The following SSH2 variants were observed in gnomAD, a reference collection of about 807,000 sequenced individuals.
SSH2 encodes slingshot protein phosphatase 2.
In SSH2, 37 loss-of-function variants were observed where a neutral mutation model predicts 135.2. The ratio of observed to expected loss-of-function variants is 0.27; its 90% CI spans 0.21 to 0.36. The LOEUF is 0.36. Among genes scored for constraint, SSH2 ranks in the 10% least tolerant of loss-of-function variants. The pLI is 1.00. For synonymous variants in SSH2, 628 were observed against 646.2 expected (o/e 0.97, Z 0.43); for missense variants, 1,408 against 1,765.3 (o/e 0.80, Z 3.63).
At position 29,629,529 on chromosome 17, in the gene SSH2, T is replaced by C. The variant is rs998959110; in HGVS notation, c.*1312A>G. On this transcript the variant is annotated 3_prime_UTR_variant, in exon 16 of 16. Coordinates refer to ENST00000540801, the MANE Select transcript of SSH2 (RefSeq NM_001282129.2). The stretch of plus-strand genomic sequence containing the variant: ...ACCATCAACATATTGTACAGATTCC[T>C]ATCAACACCCAACACTTTCATTTCT... 2.0e-5 allele frequency: 3 copies of C among 152,692 alleles called. No homozygotes were observed. Among genetic ancestry groups the C allele is most frequent in the Non-Finnish European group, 4.4e-5 (3 of 68,042 alleles). 9.5% of individuals were successfully genotyped at this position (152,692 alleles called of 1,614,324 possible). A position where few individuals can be genotyped will look rare whatever the true frequency, so the allele number is the denominator to read the frequency against.
In SSH2 at chr17:29,930,021, C is replaced by T; in HGVS notation, c.-21G>A. 6.5e-7 allele frequency: 1 copy of T among 1,530,800 alleles called. No homozygotes were observed. 94.8% of individuals were successfully genotyped at this position (1,530,800 alleles called of 1,614,324 possible). On this transcript the variant is annotated 5_prime_UTR_variant, in exon 1 of 16. Transcript: ENST00000540801. ...GCCATCTAGGCGCTGCTGGGTTGTT[C>T]CGGGCAGGGCATTCTTGTCCTGAGT...
chr17:29,800,137 TTTTC>T (rs1167965567), intron 2 of SSH2, among the ~76,000 whole-genome samples: 36 of 152,284 alleles, frequency 2.4e-4, no homozygotes, highest in Non-Finnish European at 2.9e-5. Flanking sequence ...CCAAATAATT[TTTTC>T]TTTCTTTATG....
At chr17:29,745,554 C>T (rs1233497897) in intron 3 of SSH2, among the ~76,000 whole-genome samples, 2 of 152,168 alleles carry the variant, frequency 1.3e-5, no homozygotes, top group African/African-American at 4.8e-5. Context: ...TTATTTATCC[C>T]TTCATTGACG....
At chr17:29,639,273 G>A (rs1407633108) in intron 14 of SSH2, among the ~76,000 whole-genome samples, 2 of 152,144 alleles carry the variant, frequency 1.3e-5, no homozygotes, top group Non-Finnish European at 2.9e-5. Context: ...CAGCCAAAAA[G>A]AGAACGGTGG....
intron 1 of SSH2, among the ~76,000 whole-genome samples, chr17:29,907,415 T>TAG (rs2066674925): frequency 6.6e-6 from 1 of 152,154 alleles, no homozygotes; most frequent in African/African-American, 2.4e-5. Context: ...GCTTAATACC[T>TAG]AGGTAATGGG....
intron 3 of SSH2, among the ~76,000 whole-genome samples, chr17:29,766,543 A>C (rs2041452549): frequency 1.3e-5 from 2 of 152,138 alleles, no homozygotes. Context: ...AGAAGTCTTT[A>C]CTATGATTGT....
intron 3 of SSH2, among the ~76,000 whole-genome samples, chr17:29,718,445 T>G (rs979715417): frequency 6.6e-6 from 1 of 152,080 alleles, no homozygotes; most frequent in Non-Finnish European, 1.5e-5. Context: ...ACAAAAAACA[T>G]TTATTATCTC....
intron 1 of SSH2, among the ~76,000 whole-genome samples, chr17:29,889,201 C>T (rs2066300103): frequency 6.6e-6 from 1 of 151,980 alleles, no homozygotes; most frequent in Non-Finnish European, 1.5e-5. Context: ...AATCCCAGCA[C>T]TTTGGGGGGC....
At chr17:29,900,553 G>T (rs2066531772) in intron 1 of SSH2, among the ~76,000 whole-genome samples, 1 of 152,198 alleles carries the variant, frequency 6.6e-6, no homozygotes, top group East Asian at 1.9e-4. Flanking sequence ...GGCCATCAGA[G>T]AAATGCAAAT....
At chr17:29,915,330 A>G (rs1305997715) in intron 1 of SSH2, among the ~76,000 whole-genome samples, 2 of 152,200 alleles carry the variant, frequency 1.3e-5, no homozygotes, top group African/African-American at 4.8e-5. Context: ...GCAGCATTCA[A>G]TTTCAACTGC....
chr17:29,923,069 C>T (rs2067003499), intron 1 of SSH2, among the ~76,000 whole-genome samples: 1 of 152,142 alleles, frequency 6.6e-6, no homozygotes. Context: ...TACCGCCACA[C>T]CCAGCTAATT....
At chr17:29,704,292 T>C (rs1434579357) in intron 3 of SSH2, among the ~76,000 whole-genome samples, 1 of 152,210 alleles carries the variant, frequency 6.6e-6, no homozygotes, top group Non-Finnish European at 1.5e-5. Flanking sequence ...CCAACTTGTA[T>C]CCCCATACTC....
chr17:29,699,854 T>C (rs1180108006), intron 4 of SSH2, among the ~76,000 whole-genome samples: 2 of 152,218 alleles, frequency 1.3e-5, no homozygotes, highest in Non-Finnish European at 2.9e-5. Flanking sequence ...CTACCCGACC[T>C]CTGGTACTGG....
chr17:29,646,542 T>A (rs1390711915), intron 14 of SSH2, among the ~76,000 whole-genome samples: 1 of 152,142 alleles, frequency 6.6e-6, no homozygotes, highest in Non-Finnish European at 1.5e-5. Flanking sequence ...CTCTGTCGCC[T>A]AGGCCGGAGT....
chr17:29,692,507 C>T (rs912986152), intron 5 of SSH2, among the ~76,000 whole-genome samples: 1 of 152,188 alleles, frequency 6.6e-6, no homozygotes, highest in Non-Finnish European at 1.5e-5. Context: ...GCTGAAGATG[C>T]ATATTTTAGT....
At chr17:29,701,226 C>T (rs1328806771) in intron 4 of SSH2, among the ~76,000 whole-genome samples, 1 of 152,100 alleles carries the variant, frequency 6.6e-6, no homozygotes, top group Non-Finnish European at 1.5e-5. Flanking sequence ...CCGTCTCAGC[C>T]TCCCAAAGTG....
At chr17:29,885,369 A>T (rs1349551265) in intron 1 of SSH2, among the ~76,000 whole-genome samples, 1 of 136,868 alleles carries the variant, frequency 7.3e-6, no homozygotes, top group East Asian at 2.4e-4. Flanking sequence ...AAAAAAAAAA[A>T]AATCAGGTCT....
rs187016169 is a variant in SSH2 at position 29,679,697 on chromosome 17, C to T, written c.480-1956G>A. Reference sequence around the variant, plus strand: ...CTGGGATTACAGGCGTGAGCCACCGCGCCCAGCAACTGTATAATCTTAGGC... The same window carrying T: ...CTGGGATTACAGGCGTGAGCCACCGTGCCCAGCAACTGTATAATCTTAGGC... On this transcript the variant is annotated intron_variant, in intron 6 of 15. Coordinates refer to ENST00000540801, the MANE Select transcript of SSH2 (RefSeq NM_001282129.2). Among the ~76,000 whole-genome samples, 915 of 152,292 alleles carry T rather than the reference C, an allele frequency of 6.0e-3. 4 individuals are homozygous for T. Among genetic ancestry groups the T allele is most frequent in the Admixed American group, 0.013 (198 of 15,294 alleles).
At chr17:29,640,626 C>T (rs1230815929) in intron 14 of SSH2, 2 of 152,078 alleles carry the variant, frequency 1.3e-5, no homozygotes, top group African/African-American at 4.8e-5. Context: ...AAAGATAGGT[C>T]TGATGCTGCT....
Sources: gnomAD v4.1 joint callset for allele counts (sites outside exome capture counted in the v4.1 genomes callset) on GRCh38, gnomAD v4.1.1 for gene constraint, MANE v1.5 for transcripts, NCBI Gene and HGNC (gene_info 2026-07-23, HGNC 2026-07-21) for gene names.